The following SHC2 variants were observed in gnomAD, a reference collection of about 807,000 sequenced individuals.
SHC2 encodes SHC-transforming protein 2.
A neutral mutation model predicts 60.6 loss-of-function variants in SHC2; 62 were observed. The ratio of observed to expected loss-of-function variants is 1.02; its 90% CI spans 0.83 to 1.26. SHC2 has a LOEUF of 1.26. SHC2 is among the 50% of genes most tolerant of loss of function. SHC2 has a pLI of 0.00. For missense variants in SHC2, 873 were observed against 822.2 expected, an observed-to-expected ratio of 1.06 and a Z score of -0.76; for synonymous variants, 375 against 372.4, an observed-to-expected ratio of 1.01 and a Z score of -0.08.
At chr19:439,659 G>A (rs1303351668) in intron 2 of SHC2, among the ~76,000 whole-genome samples, 1 of 152,140 alleles carries the variant, frequency 6.6e-6, no homozygotes. Flanking sequence ...AACAGCCTGG[G>A]GGCTCCTCAA....
In SHC2 at chr19:430,726, C is replaced by G; in HGVS notation, c.1132G>C (p.Asp378His). The change falls in exon 9 of 13, where the codon GAT (aspartate) becomes CAT (histidine). Residue 378 changes from aspartate (D) to histidine (H), a missense_variant. Asp to His is a moderately conservative substitution (Grantham distance 81). Transcript: ENST00000264554. The stretch of plus-strand genomic sequence containing the variant: ...ACGTCCCATGGCAGGCTGCAGGCAT[C>G]TCTTAGAGAAGGAGATGGGCCCTGG... The part of the protein sequence containing the change: ...LDQGPSPSLR[D>H]ACSLPWDVGS... 6.2e-7 allele frequency: 1 copy of G among 1,613,120 alleles called. No homozygotes were observed. Among genetic ancestry groups the G allele is most frequent in the Non-Finnish European group, 8.5e-7 (1 of 1,179,832 alleles).
In SHC2 at chr19:445,329, T is replaced by G. The variant is rs1416759514; in HGVS notation, c.469-4397A>C. Among the ~76,000 whole-genome samples the G allele has an allele frequency of 2.0e-5, 3 of 152,106 alleles. No homozygotes were observed. The highest frequency in any genetic ancestry group is 4.4e-5 in the Non-Finnish European group (3 of 68,018). On this transcript the variant is annotated intron_variant, in intron 1 of 12. Transcript: ENST00000264554. This position sits in a 1 kb window ranked among gnomAD's most constrained non-coding sequence, Gnocchi z 4.4. ...AGAGACCCCAGACAGAGCCCAGCCC[T>G]CCACCACGTGAGGACACAGGAGAAC...
intron 5 of SHC2, 89 bp downstream of exon 5, chr19:436,541 C>T (rs527624836): frequency 3.8e-6 from 6 of 1,581,616 alleles, no homozygotes; most frequent in East Asian, 2.3e-5. Context: ...GCACAGGGTA[C>T]GTTAGGCGGG....
In SHC2 at chr19:424,158, G is replaced by A. The variant is rs889898466; in HGVS notation, c.1309+939C>T. Among the ~76,000 whole-genome samples the A allele has an allele frequency of 6.6e-6, 1 of 152,220 alleles. No individual in the cohort carries two copies. Reference sequence around the variant, plus strand: ...GCCAACACCTCTCCGTGCTGGAGAAGGGCAGAGTCGAGGCTGCAGGAAATC... The same window carrying A: ...GCCAACACCTCTCCGTGCTGGAGAAAGGCAGAGTCGAGGCTGCAGGAAATC... On this transcript the variant is annotated intron_variant, in intron 10 of 12. Transcript: ENST00000264554. This position sits in a 1 kb window ranked among gnomAD's most constrained non-coding sequence, Gnocchi z 4.5.
chr19:441,191 T>G lies in SHC2; in HGVS notation c.469-259A>C, dbSNP rs1974857172. ...AGCCTGGTGGTTCCCCCAGACGCTC[T>G]ATGCTGCTTGTTCATTTAACCGTCT... On this transcript the variant is annotated intron_variant, in intron 1 of 12. Coordinates refer to ENST00000264554, the MANE Select transcript of SHC2 (RefSeq NM_012435.3). The surrounding 1 kb of genome is among the most constrained non-coding windows in gnomAD (Gnocchi z 4.9). 1.0e-6 allele frequency: 1 copy of G among 983,850 alleles called. No homozygotes were observed. Among genetic ancestry groups the G allele is most frequent in the Admixed American group, 6.1e-5 (1 of 16,274 alleles). 60.9% of individuals were successfully genotyped at this position (983,850 alleles called of 1,614,324 possible). A position where few individuals can be genotyped will look rare whatever the true frequency, so the allele number is the denominator to read the frequency against.
At chr19:435,020 C>T (rs1974684696) in intron 7 of SHC2, among the ~76,000 whole-genome samples, 155 bp from the exon 8 acceptor site, 1 of 152,220 alleles carries the variant, frequency 6.6e-6, no homozygotes, top group Admixed American at 6.5e-5. Flanking sequence ...CTTCTAGAGC[C>T]AGTGACCAGG....
At chr19:458,668 G>GTC in intron 1 of SHC2, among the ~76,000 whole-genome samples, 1 of 141,016 alleles carries the variant, frequency 7.1e-6, no homozygotes, top group African/African-American at 2.6e-5. Context: ...GCGGAAGTGG[G>GTC]TTCCGGGGGA....
Position 434,745 on chromosome 19 carries a change from G to A in SHC2, c.1074C>T (p.Ala358=), listed in dbSNP as rs1282652763. The change falls in exon 8 of 13, where the codon GCC becomes GCT. Residue 358 remains alanine, a synonymous_variant. Coordinates refer to ENST00000264554, the MANE Select transcript of SHC2 (RefSeq NM_012435.3). ...PLGGLVDSRL[A]LTQPCALTAL... The stretch of plus-strand genomic sequence containing the variant: ...CCGTGAGGGCGCAGGGCTGTGTCAG[G>A]GCCAGCCTGGAGTCCACTAGCCCGC... 1.2e-6 allele frequency: 2 copies of A among 1,612,316 alleles called. No individual in the cohort carries two copies. Among genetic ancestry groups the A allele is most frequent in the Non-Finnish European group, 1.7e-6 (2 of 1,179,712 alleles).
chr19:431,104 AC>A (rs58081016), intron 8 of SHC2, among the ~76,000 whole-genome samples: 27,898 of 152,104 alleles, frequency 0.18, 2,655 homozygotes, highest in South Asian at 0.29. Context: ...AGGCCTCCGG[AC>A]CGCCCTACAG....
chr19:446,538 T>TG lies in SHC2; in HGVS notation c.469-5607dup, dbSNP rs1975058014. 6.6e-6 allele frequency among the ~76,000 whole-genome samples: 1 copy of TG among 152,102 alleles called. No homozygotes were observed. The highest frequency in any genetic ancestry group is 2.4e-5 in the African/African-American group (1 of 41,410). On this transcript the variant is annotated intron_variant, in intron 1 of 12. Coordinates refer to ENST00000264554, the MANE Select transcript of SHC2 (RefSeq NM_012435.3). The surrounding 1 kb of genome is among the most constrained non-coding windows in gnomAD (Gnocchi z 5.4). Reference sequence around the variant, plus strand: ...ATTGGCCTCGCTGGTCTCGATCTCTTGACCTTGTGATCCGCCTCGGTCTCC... The same window carrying TG: ...ATTGGCCTCGCTGGTCTCGATCTCTTGGACCTTGTGATCCGCCTCGGTCTCC...
Position 425,015 on chromosome 19 carries a change from G to C in SHC2, c.1309+82C>G. 2 of 1,295,818 alleles carry C rather than the reference G, an allele frequency of 1.5e-6. No individual in the cohort carries two copies. Among genetic ancestry groups the C allele is most frequent in the Non-Finnish European group, 2.0e-6 (2 of 999,642 alleles). The allele number at this position is 1,295,818 out of a possible 1,614,324, so 80.3% of individuals were successfully genotyped here. ...CCCCATCAGACCAGGGAATCCCGTA[G>C]GGAGTGGGGGTGGGGTTGTGCCTCC... On this transcript the variant is annotated intron_variant, in intron 10 of 12. Coordinates refer to ENST00000264554, the MANE Select transcript of SHC2 (RefSeq NM_012435.3). This position sits in a 1 kb window ranked among gnomAD's most constrained non-coding sequence, Gnocchi z 4.1.
At chr19:459,410 A>G (rs1247351549) in intron 1 of SHC2, among the ~76,000 whole-genome samples, 1 of 146,770 alleles carries the variant, frequency 6.8e-6, no homozygotes, top group Non-Finnish European at 1.5e-5. Context: ...ACCCCACTGA[A>G]CCCAGCGTAG....
chr19:451,007 G>A (rs112068208), intron 1 of SHC2, among the ~76,000 whole-genome samples: 1,057 of 133,290 alleles, frequency 7.9e-3, no homozygotes, highest in African/African-American at 0.031. Flanking sequence ...TGGCTGTGCC[G>A]TATTTCAGCG....
Position 445,344 on chromosome 19 carries a change from C to T in SHC2, c.469-4412G>A, listed in dbSNP as rs985829513. 6.6e-6 allele frequency among the ~76,000 whole-genome samples: 1 copy of T among 152,170 alleles called. No homozygotes were observed. Among genetic ancestry groups the T allele is most frequent in the African/African-American group, 2.4e-5 (1 of 41,440 alleles). On this transcript the variant is annotated intron_variant, in intron 1 of 12. Coordinates refer to ENST00000264554, the MANE Select transcript of SHC2 (RefSeq NM_012435.3). This position sits in a 1 kb window ranked among gnomAD's most constrained non-coding sequence, Gnocchi z 4.4. Reference sequence around the variant, plus strand: ...AGCCCAGCCCTCCACCACGTGAGGACACAGGAGAACACGGCCCTCTGTAAA... The same window carrying T: ...AGCCCAGCCCTCCACCACGTGAGGATACAGGAGAACACGGCCCTCTGTAAA...
At chr19:419,862 G>A (rs2145685480) in intron 11 of SHC2, 1 of 152,392 alleles carries the variant, frequency 6.6e-6, no homozygotes, top group South Asian at 2.1e-4. Context: ...CGGCTGCCGA[G>A]CAGCTCCTGA....
chr19:419,395 T>C (rs1320402493), intron 11 of SHC2: 4 of 236,194 alleles, frequency 1.7e-5, no homozygotes, highest in Non-Finnish European at 3.3e-5. Flanking sequence ...TCAAGGGTCC[T>C]GGGACGAATG....
rs1600298667 is a variant in SHC2, at chr19:438,224, A to G, written c.720+494T>C. On this transcript the variant is annotated intron_variant, in intron 4 of 12. Coordinates refer to ENST00000264554, the MANE Select transcript of SHC2 (RefSeq NM_012435.3). The surrounding 1 kb of genome is among the most constrained non-coding windows in gnomAD (Gnocchi z 5.0). ...ACTCCTGACCTCAAGTGATCTGCCC[A>G]CCCCTCAGCCTCCCAAAGTGCTGGG... Among the ~76,000 whole-genome samples the G allele has an allele frequency of 6.6e-6, 1 of 151,830 alleles. No individual in the cohort carries two copies. Among genetic ancestry groups the G allele is most frequent in the South Asian group, 2.1e-4 (1 of 4,808 alleles).
intron 1 of SHC2, among the ~76,000 whole-genome samples, chr19:442,099 G>C (rs1974886272): frequency 6.6e-6 from 1 of 152,216 alleles, no homozygotes; most frequent in African/African-American, 2.4e-5. Context: ...GGCCAGCTGG[G>C]GAGCCAGGGA....
Position 434,852 on chromosome 19 carries a change from C to T in SHC2, c.967G>A (p.Glu323Lys). 6.2e-7 allele frequency: 1 copy of T among 1,610,876 alleles called. No homozygotes were observed. Among genetic ancestry groups the T allele is most frequent in the Non-Finnish European group, 8.5e-7 (1 of 1,179,600 alleles). The change falls in exon 8 of 13, where the codon GAG (glutamate) becomes AAG (lysine). Residue 323 changes from glutamate to lysine, a missense_variant. By Grantham distance (56) the Glu-to-Lys change is moderately conservative. Transcript: ENST00000264554. ...TCCTCGTCCCCCCAGGCCGACTCCT[C>T]CGGCCCTGCCAGCCTGGGGGACAGA... The part of the protein sequence containing the change: ...ALPPERLAGP[E>K]ESAWGDEEDS...
Sources: allele counts gnomAD v4.1 joint callset (sites outside exome capture counted in the v4.1 genomes callset), GRCh38; gene constraint gnomAD v4.1.1; non-coding constraint Gnocchi (gnomAD v3.1); transcripts MANE v1.5; gene names NCBI Gene and HGNC (gene_info 2026-07-23, HGNC 2026-07-21).